The following GRK3 variants were observed in gnomAD, a reference collection of about 807,000 sequenced individuals.
GRK3 encodes G protein-coupled receptor kinase 3.
Under a neutral mutation model 95.7 loss-of-function variants are expected in GRK3, and 54 were observed. The ratio of observed to expected loss-of-function variants is 0.56; its 90% CI spans 0.45 to 0.71. GRK3 has a LOEUF of 0.71. GRK3 is among the 30% of genes least tolerant of loss of function. The pLI is 0.00. For synonymous variants in GRK3, 281 were observed against 290.8 expected, an observed-to-expected ratio of 0.97 and a Z score of 0.34; for missense variants, 649 against 851.2, an observed-to-expected ratio of 0.76 and a Z score of 2.96.
At chr22:25,643,832 C>T (rs1174820743) in intron 2 of GRK3, among the ~76,000 whole-genome samples, 2 of 152,152 alleles carry the variant, frequency 1.3e-5, no homozygotes, top group African/African-American at 4.8e-5. Flanking sequence ...ATTTATTGGC[C>T]ACCTACTGTG....
Position 25,663,675 on chromosome 22 carries a change from A to G in GRK3, c.412A>G (p.Lys138Glu), listed in dbSNP as rs2084923767. 2 of 1,611,660 alleles carry G rather than the reference A, an allele frequency of 1.2e-6. No homozygotes were observed. The highest frequency in any genetic ancestry group is 2.2e-5 in the South Asian group (2 of 90,418). ...AVEHVQSHLSKKQVTSTLFQP... is the reference protein window; with the variant it reads ...AVEHVQSHLSEKQVTSTLFQP... ...AGAACACGTACAAAGTCATTTATCCAAGAAACAAGTGACATCAACTCTTTT... is the reference window on the plus strand; with the variant it reads ...AGAACACGTACAAAGTCATTTATCCGAGAAACAAGTGACATCAACTCTTTT... Residue 138 changes from lysine to glutamate, a missense_variant, in exon 5 of 21, where the codon AAG becomes GAG. Physicochemically the swap from Lys to Glu is moderately conservative, Grantham distance 56. Transcript: ENST00000324198.
chr22:25,624,803 G>T (rs2084614498), intron 2 of GRK3, among the ~76,000 whole-genome samples: 1 of 152,076 alleles, frequency 6.6e-6, no homozygotes, highest in South Asian at 2.1e-4. Context: ...CTGAGGAATT[G>T]ACTCTTCTTT....
chr22:25,672,880 GTCATTCTTATTGCA>G (rs1186850221), intron 7 of GRK3, among the ~76,000 whole-genome samples: 1 of 151,956 alleles, frequency 6.6e-6, no homozygotes, highest in Non-Finnish European at 1.5e-5. Context: ...TTCAATTTCA[GTCATTCTTATTGCA>G]TCATCCTTAT....
intron 4 of GRK3, 74 bp from the exon 5 acceptor site, chr22:25,663,556 T>C: frequency 1.1e-6 from 1 of 881,402 alleles, no homozygotes; most frequent in Non-Finnish European, 1.8e-6. Flanking sequence ...TAAATTTATC[T>C]GTTGTGATAT....
intron 2 of GRK3, among the ~76,000 whole-genome samples, chr22:25,614,487 G>A (rs1020141886): frequency 3.3e-5 from 5 of 152,146 alleles, no homozygotes; most frequent in African/African-American, 1.2e-4. Context: ...TCTTCTGAGT[G>A]TGTGATTGGA....
intron 3 of GRK3, chr22:25,648,199 G>A (rs749737149): frequency 8.0e-6 from 6 of 747,262 alleles, no homozygotes; most frequent in East Asian, 2.4e-5. Flanking sequence ...CTCTCTATTC[G>A]TGATTGGGAT....
chr22:25,680,544 G>A (rs1423667933), intron 9 of GRK3, among the ~76,000 whole-genome samples: 1 of 152,184 alleles, frequency 6.6e-6, no homozygotes, highest in Non-Finnish European at 1.5e-5. Flanking sequence ...TAGTTTTCAT[G>A]TAATATTTTT....
At chr22:25,640,261 CAGAA>C (rs1451808624) in intron 2 of GRK3, among the ~76,000 whole-genome samples, 2 of 152,182 alleles carry the variant, frequency 1.3e-5, no homozygotes, top group Non-Finnish European at 2.9e-5. Context: ...TCTCACAGCT[CAGAA>C]AGGCCTTACT....
At chr22:25,692,984 T>C (rs1302326102) in intron 12 of GRK3, among the ~76,000 whole-genome samples, 1 of 152,208 alleles carries the variant, frequency 6.6e-6, no homozygotes. Context: ...CAAAGTAGTA[T>C]TGTAGTTGAG....
rs1274000885 is a variant in GRK3, at chr22:25,709,895, C to G, written c.1329-3C>G. The G allele has an allele frequency of 6.2e-7, 1 of 1,611,976 alleles. No individual in the cohort carries two copies. The highest frequency in any genetic ancestry group is 1.7e-5 in the Admixed American group (1 of 59,998). ...AGCACTGTTATGACTCTTTCTCCTC[C>G]AGCTCACAGGAAGTAAAAGAGCACA... is the stretch of plus-strand genomic sequence containing the variant. On this transcript the variant is annotated splice_polypyrimidine_tract_variant and splice_region_variant and intron_variant, in intron 15 of 20. Transcript: ENST00000324198.
Position 25,576,701 on chromosome 22 carries a change from A to G in GRK3, c.113+11548A>G, listed in dbSNP as rs137917781. ...GGTTTTCTGATTCCAAATTCAGCGTATTTTCAGAAAAACCTTCAGACTGTC... is the reference window on the plus strand; with the variant it reads ...GGTTTTCTGATTCCAAATTCAGCGTGTTTTCAGAAAAACCTTCAGACTGTC... On this transcript the variant is annotated intron_variant, in intron 1 of 20. Transcript: ENST00000324198. Among the ~76,000 whole-genome samples, 11 of 152,220 alleles carry G rather than the reference A, an allele frequency of 7.2e-5. No individual in the cohort carries two copies. The East Asian group carries it at 2.1e-3, about 29-fold the overall frequency.
intron 16 of GRK3, 21 bp from the exon 17 acceptor site, chr22:25,711,047 A>G: frequency 6.5e-7 from 1 of 1,536,964 alleles, no homozygotes; most frequent in Non-Finnish European, 9.0e-7. Context: ...AAACTGTACC[A>G]TGCTTGTTTG....
intron 1 of GRK3, among the ~76,000 whole-genome samples, chr22:25,585,155 C>T (rs987757755): frequency 1.3e-5 from 2 of 152,292 alleles, no homozygotes; most frequent in African/African-American, 4.8e-5. Context: ...GGGCCTTCAC[C>T]TCTCGGCCAA....
chr22:25,666,641 G>A (rs962861713), intron 5 of GRK3, among the ~76,000 whole-genome samples: 1 of 152,038 alleles, frequency 6.6e-6, no homozygotes, highest in Non-Finnish European at 1.5e-5. Flanking sequence ...AGGAAGCAAG[G>A]CTCCCAGAAG....
intron 1 of GRK3, 32 bp from the exon 2 acceptor site, chr22:25,604,345 A>G (rs1169843987): frequency 2.0e-6 from 3 of 1,529,682 alleles, no homozygotes; most frequent in Admixed American, 1.7e-5. Context: ...TGTAGGCTGT[A>G]TTGTTAAAAA....
intron 15 of GRK3, among the ~76,000 whole-genome samples, chr22:25,707,795 G>A (rs2085311591): frequency 6.6e-6 from 1 of 152,128 alleles, no homozygotes. Context: ...AAGTGGGATG[G>A]GGCTGCAGGT....
Position 25,661,696 on chromosome 22 carries a change from T to TTA in GRK3, c.366+19_366+20insTA, listed in dbSNP as rs901190450. On this transcript the variant is annotated intron_variant, in intron 4 of 20. Transcript: ENST00000324198. The stretch of plus-strand genomic sequence containing the variant: ...TTCACATGTAAGTATTTCTTCTTAC[T>TTA]CTGTTACTTTAGTACTGATGAATAA... 5 of 1,464,288 alleles carry TTA rather than the reference T, an allele frequency of 3.4e-6. No individual in the cohort carries two copies. The African/African-American group carries it at 6.9e-5, about 20-fold the overall frequency. 90.7% of individuals were successfully genotyped at this position (1,464,288 alleles called of 1,614,324 possible). A position where few individuals can be genotyped will look rare whatever the true frequency, so the allele number is the denominator to read the frequency against.
At chr22:25,646,867 A>C (rs2084786637) in intron 3 of GRK3, among the ~76,000 whole-genome samples, 1 of 151,988 alleles carries the variant, frequency 6.6e-6, no homozygotes, top group East Asian at 1.9e-4. Context: ...CTAAAAATAC[A>C]AAAATTAGCC....
chr22:25,624,723 G>C (rs1285173633), intron 2 of GRK3, among the ~76,000 whole-genome samples: 1 of 152,166 alleles, frequency 6.6e-6, no homozygotes, highest in African/African-American at 2.4e-5. Context: ...TGATCCTTGA[G>C]ATCAAAGCTC....
Sources: gnomAD v4.1 joint callset for allele counts (sites outside exome capture counted in the v4.1 genomes callset) on GRCh38, gnomAD v4.1.1 for gene constraint, MANE v1.5 for transcripts, NCBI Gene and HGNC (gene_info 2026-07-23, HGNC 2026-07-21) for gene names.